HIBCH: variants seen among roughly 807,000 people sequenced by gnomAD.
The protein encoded by HIBCH is 3-hydroxyisobutyryl-CoA hydrolase, mitochondrial.
Under a neutral mutation model 58.2 loss-of-function variants are expected in HIBCH, and 50 were observed. That is an observed-to-expected ratio of 0.86 (90% CI 0.68 to 1.09). The LOEUF is 1.09. HIBCH is among the 50% of genes least tolerant of loss of function. HIBCH has a pLI of 0.00. For missense variants in HIBCH, 450 were observed against 449.7 expected (o/e 1.00, Z -0.01); for synonymous variants, 151 against 146.9 (o/e 1.03, Z -0.20).
chr2:190,234,034 G>C (rs1232929002), intron 11 of HIBCH, among the ~76,000 whole-genome samples: 2 of 152,152 alleles, frequency 1.3e-5, no homozygotes, highest in African/African-American at 4.8e-5. Context: ...GCACATGCCT[G>C]TAATCCCAGA....
At chr2:190,294,368 C>T (rs537417143) in intron 4 of HIBCH, among the ~76,000 whole-genome samples, 178 bp downstream of exon 4, 1 of 152,000 alleles carries the variant, frequency 6.6e-6, no homozygotes, top group Non-Finnish European at 1.5e-5. Context: ...TTCTCATTTG[C>T]TAATACTAAC....
chr2:190,302,345 T>A (rs959433294), intron 2 of HIBCH, among the ~76,000 whole-genome samples: 1 of 152,212 alleles, frequency 6.6e-6, no homozygotes, highest in East Asian at 1.9e-4. Context: ...TAAGCTAACA[T>A]GTATGCACAT....
Position 190,295,530 on chromosome 2 carries a change from A to G in HIBCH, c.220-900T>C, listed in dbSNP as rs143253955. On this transcript the variant is annotated intron_variant, in intron 3 of 13. Coordinates refer to ENST00000359678, the MANE Select transcript of HIBCH (RefSeq NM_014362.4). ...TGTGGCATCATGTTGATGCTTAAAGAGTTTTTGAATTTTATAGCATTTTGA... is the reference window on the plus strand; with the variant it reads ...TGTGGCATCATGTTGATGCTTAAAGGGTTTTTGAATTTTATAGCATTTTGA... Among the ~76,000 whole-genome samples the G allele has an allele frequency of 2.2e-4, 34 of 152,316 alleles. No homozygotes were observed. In the East Asian group the frequency reaches 4.4e-3, roughly 20 times the overall value.
intron 2 of HIBCH, among the ~76,000 whole-genome samples, chr2:190,299,097 A>T (rs2664261): frequency 3.3e-5 from 5 of 151,946 alleles, no homozygotes; most frequent in Admixed American, 2.6e-4. Flanking sequence ...TTAAAACCTC[A>T]CATGGGAAAA....
chr2:190,245,191 T>G (rs1279177045), intron 10 of HIBCH: 11 of 487,260 alleles, frequency 2.3e-5, no homozygotes, highest in Non-Finnish European at 4.1e-5. Context: ...TATTTTTTCT[T>G]TTGCATCTGT....
At chr2:190,252,045 G>C (rs1686787963) in intron 8 of HIBCH, 117 bp downstream of exon 8, 3 of 928,398 alleles carry the variant, frequency 3.2e-6, no homozygotes, top group Non-Finnish European at 5.2e-6. Context: ...ATAGGTCCAG[G>C]ATTCACACCA....
chr2:190,225,568 A>G (rs1685864637), intron 11 of HIBCH, among the ~76,000 whole-genome samples: 1 of 152,236 alleles, frequency 6.6e-6, no homozygotes, highest in African/African-American at 2.4e-5. Flanking sequence ...AGACTAAACC[A>G]GGAAGAAGTT....
intron 9 of HIBCH, among the ~76,000 whole-genome samples, chr2:190,248,992 A>G (rs1686689150): frequency 6.6e-6 from 1 of 152,072 alleles, no homozygotes; most frequent in African/African-American, 2.4e-5. Flanking sequence ...CTGACTTCTT[A>G]TTGGCTTTCA....
At chr2:190,230,976 G>A (rs957223519) in intron 11 of HIBCH, among the ~76,000 whole-genome samples, 2 of 152,136 alleles carry the variant, frequency 1.3e-5, no homozygotes, top group Middle Eastern at 3.4e-3. Flanking sequence ...TGTAAAACAC[G>A]TATCACGAAA....
At chr2:190,313,323 T>C (rs1329548211) in intron 1 of HIBCH, among the ~76,000 whole-genome samples, 4 of 152,262 alleles carry the variant, frequency 2.6e-5, no homozygotes, top group Admixed American at 1.3e-4. Context: ...TATTAGCATA[T>C]TGGGTATCAG....
chr2:190,255,991 A>AG (rs1686910983), intron 7 of HIBCH, among the ~76,000 whole-genome samples: 1 of 152,190 alleles, frequency 6.6e-6, no homozygotes, highest in Non-Finnish European at 1.5e-5. Flanking sequence ...TCATGGCAGA[A>AG]GGCAAAGCAA....
At chr2:190,275,369 A>T (rs989322693) in intron 6 of HIBCH, among the ~76,000 whole-genome samples, 4 of 152,232 alleles carry the variant, frequency 2.6e-5, no homozygotes, top group Non-Finnish European at 5.9e-5. Flanking sequence ...TAATTGTTAT[A>T]TTCAAGGAAT....
At chr2:190,192,868 C>A (rs1489624781) in intron 1 of HIBCH, among the ~76,000 whole-genome samples, 3 of 152,164 alleles carry the variant, frequency 2.0e-5, no homozygotes, top group Non-Finnish European at 4.4e-5. Context: ...TATGTTAAGA[C>A]CTTGCTACAA....
At chr2:190,258,588 G>T (rs1048795550) in intron 7 of HIBCH, among the ~76,000 whole-genome samples, 4 of 152,292 alleles carry the variant, frequency 2.6e-5, no homozygotes, top group African/African-American at 9.6e-5. Context: ...CATCAGTGTA[G>T]CCTGGATGTT....
chr2:190,314,784 G>A (rs550758464), intron 1 of HIBCH, among the ~76,000 whole-genome samples: 28 of 152,094 alleles, frequency 1.8e-4, no homozygotes, highest in African/African-American at 5.8e-4. Flanking sequence ...CAGCCCATTC[G>A]TTCTAATTCA....
downstream of HIBCH, among the ~76,000 whole-genome samples, chr2:190,199,267 T>C (rs754223828): frequency 4.6e-5 from 7 of 152,208 alleles, no homozygotes; most frequent in Non-Finnish European, 1.0e-4. Flanking sequence ...GGCCACATGG[T>C]CTGTCACAGT....
intron 11 of HIBCH, among the ~76,000 whole-genome samples, chr2:190,224,587 A>G (rs1685833813): frequency 6.6e-6 from 1 of 152,234 alleles, no homozygotes; most frequent in Admixed American, 6.5e-5. Flanking sequence ...AGAGCTAACT[A>G]TCCTAAATAT....
rs1690582718 is a variant in HIBCH, at chr2:190,214,322, G to C, written c.892-1247C>G. 1 of 152,268 alleles carries C rather than the reference G, an allele frequency of 6.6e-6. No individual in the cohort carries two copies. The highest frequency in any genetic ancestry group is 1.5e-5 in the Non-Finnish European group (1 of 68,164). 9.4% of individuals were successfully genotyped at this position (152,268 alleles called of 1,614,324 possible). ...AGAAACCTCCAGTAAGGGGGGCTGA[G>C]TACACAGCAAAAACCTGACACAGAG... On this transcript the variant is annotated intron_variant, in intron 11 of 13. Transcript: ENST00000359678. The surrounding 1 kb of genome is among the most constrained non-coding windows in gnomAD (Gnocchi z 5.5).
At chr2:190,261,351 G>C in intron 6 of HIBCH, 117 bp from the exon 7 acceptor site, 2 of 744,180 alleles carry the variant, frequency 2.7e-6, no homozygotes, top group Non-Finnish European at 4.7e-6. Context: ...TACTCCACAG[G>C]AACTTGCTTC....
Sources: gnomAD v4.1 joint callset for allele counts (sites outside exome capture counted in the v4.1 genomes callset) on GRCh38, gnomAD v4.1.1 for gene constraint, Gnocchi (gnomAD v3.1) non-coding constraint, MANE v1.5 for transcripts, NCBI Gene and HGNC (gene_info 2026-07-23, HGNC 2026-07-21) for gene names.